SLC2A9: variants seen among roughly 807,000 people sequenced by gnomAD.
The protein encoded by SLC2A9 is solute carrier family 2, facilitated glucose transporter member 9.
In SLC2A9, 39 loss-of-function variants were observed where a neutral mutation model predicts 50.6. The observed-to-expected ratio is 0.77, with a 90% confidence interval of 0.60 to 1.01. The LOEUF (loss-of-function observed/expected upper bound fraction) is 1.01. SLC2A9 is among the 50% of genes least tolerant of loss of function. The pLI is 0.00. For synonymous variants in SLC2A9, 324 were observed against 276.9 expected (o/e 1.17, Z -1.69); for missense variants, 686 against 677.6 (o/e 1.01, Z -0.14).
chr4:9,795,195 T>C (rs1159200080), downstream of SLC2A9, among the ~76,000 whole-genome samples: 1 of 151,822 alleles, frequency 6.6e-6, no homozygotes, highest in East Asian at 1.9e-4. Context: ...GTATTTTTAG[T>C]ATAGACAGGG....
intron 5 of SLC2A9, among the ~76,000 whole-genome samples, chr4:9,960,273 A>T (rs997775170): frequency 6.6e-6 from 1 of 152,234 alleles, no homozygotes; most frequent in Non-Finnish European, 1.5e-5. Flanking sequence ...GGCACTAAAG[A>T]TGCAAAATAG....
intron 10 of SLC2A9, among the ~76,000 whole-genome samples, chr4:9,882,796 A>T (rs1252874177): frequency 6.6e-6 from 1 of 152,032 alleles, no homozygotes; most frequent in Non-Finnish European, 1.5e-5. Context: ...TAGGACAGAC[A>T]GACAGAAACC....
downstream of SLC2A9, among the ~76,000 whole-genome samples, chr4:9,778,520 A>C (rs938459642): frequency 1.2e-4 from 18 of 151,760 alleles, no homozygotes; most frequent in African/African-American, 3.9e-4. Context: ...TAGTTCCCTC[A>C]CCTCTTTCAC....
In SLC2A9 at chr4:9,888,494, T is replaced by C. The variant is rs529551962; in HGVS notation, c.1216-852A>G. Among the ~76,000 whole-genome samples the C allele has an allele frequency of 1.1e-4, 16 of 152,124 alleles. No individual in the cohort carries two copies. In the South Asian group the frequency reaches 3.3e-3, roughly 32 times the overall value. ...GGGGGGTGGGTGGCTTGGTGCTGGT[T>C]GGGATTGCTCCTGCTCTAGCAGACT... is the stretch of plus-strand genomic sequence containing the variant. On this transcript the variant is annotated intron_variant, in intron 9 of 11. Coordinates refer to ENST00000264784, the MANE Select transcript of SLC2A9 (RefSeq NM_020041.3).
intron 5 of SLC2A9, among the ~76,000 whole-genome samples, chr4:9,952,218 C>A (rs1413967542): frequency 6.6e-6 from 1 of 152,124 alleles, no homozygotes. Context: ...AATATATGTC[C>A]CTGCCAAATA....
At chr4:9,783,105 A>C (rs765621392) in intron 3 of SLC2A9, 2 of 1,614,222 alleles carry the variant, frequency 1.2e-6, no homozygotes, top group South Asian at 2.2e-5. Context: ...CCCGTCATCT[A>C]TGCCTTCAAC....
At position 9,993,885 on chromosome 4, in the gene SLC2A9, G is replaced by A. The variant is rs149789570; in HGVS notation, c.410+2896C>T. ...TGCTTCCCTGCCCTCCTTTGTCACC[G>A]AAATCACAAACGAGCTCAACATTCC... On this transcript the variant is annotated intron_variant, in intron 3 of 11. Coordinates refer to ENST00000264784, the MANE Select transcript of SLC2A9 (RefSeq NM_020041.3). Among the ~76,000 whole-genome samples the A allele has an allele frequency of 5.9e-5, 9 of 152,264 alleles. No individual in the cohort carries two copies. In the East Asian group the frequency reaches 1.2e-3, roughly 20 times the overall value.
chr4:9,973,859 T>TA (rs78910612), intron 5 of SLC2A9, among the ~76,000 whole-genome samples: 386 of 141,056 alleles, frequency 2.7e-3, no homozygotes, highest in African/African-American at 3.1e-3. Flanking sequence ...CTTAAAGTAT[T>TA]AAAAAAAAAA....
chr4:9,988,879 C>T (rs1432740158), intron 3 of SLC2A9, among the ~76,000 whole-genome samples: 1 of 152,226 alleles, frequency 6.6e-6, no homozygotes, highest in African/African-American at 2.4e-5. Flanking sequence ...AGGAGAGCCA[C>T]CTTCCTTCAT....
At chr4:9,881,980 C>T (rs1043365125) in intron 10 of SLC2A9, among the ~76,000 whole-genome samples, 3 of 152,158 alleles carry the variant, frequency 2.0e-5, no homozygotes, top group African/African-American at 7.2e-5. Flanking sequence ...GCACAGACTT[C>T]ATTTCAAAAC....
chr4:9,804,512 T>C (rs1261898699), intron 3 of SLC2A9, among the ~76,000 whole-genome samples: 1 of 152,190 alleles, frequency 6.6e-6, no homozygotes, highest in East Asian at 1.9e-4. Flanking sequence ...ACCCTCTTTA[T>C]AGGCCACTGA....
intron 10 of SLC2A9, 131 bp from the exon 11 acceptor site, chr4:9,835,139 T>C (rs937594997): frequency 1.1e-5 from 14 of 1,286,442 alleles, no homozygotes; most frequent in Non-Finnish European, 1.5e-5. Context: ...TGGGCCCCAG[T>C]TCCTGAGTCG....
chr4:9,879,838 T>G (rs775277159), intron 10 of SLC2A9: 13 of 985,452 alleles, frequency 1.3e-5, no homozygotes, highest in Non-Finnish European at 1.6e-5. Flanking sequence ...TTTGCCTCAT[T>G]TATTAGACTT....
intron 2 of SLC2A9, among the ~76,000 whole-genome samples, chr4:10,000,360 G>A (rs1759561634): frequency 6.6e-6 from 1 of 152,180 alleles, no homozygotes; most frequent in Admixed American, 6.5e-5. Context: ...ATAATGCATT[G>A]TATCATTTAA....
At chr4:9,997,033 G>A in intron 2 of SLC2A9, 92 bp from the exon 3 acceptor site, 1 of 1,376,674 alleles carries the variant, frequency 7.3e-7, no homozygotes, top group South Asian at 1.2e-5. Flanking sequence ...CTTGTACAGA[G>A]CATTTTCATG....
intron 3 of SLC2A9, among the ~76,000 whole-genome samples, chr4:9,987,605 C>T (rs529183376): frequency 1.6e-4 from 24 of 152,234 alleles, no homozygotes; most frequent in African/African-American, 5.1e-4. Context: ...TTAGAACTTG[C>T]GCTCTTCCCA....
chr4:9,825,531 ATGT>A (rs201133725), downstream of SLC2A9, among the ~76,000 whole-genome samples: 7,801 of 145,100 alleles, frequency 0.054, 248 homozygotes, highest in Non-Finnish European at 0.079. Flanking sequence ...ATTAATCACA[ATGT>A]TTTTTTTTTT....
chr4:9,794,702 T>C (rs568063692), downstream of SLC2A9, among the ~76,000 whole-genome samples: 70 of 152,344 alleles, frequency 4.6e-4, no homozygotes, highest in African/African-American at 1.5e-3. Flanking sequence ...CTGCCTACTC[T>C]GCCCCTGTGC....
intron 3 of SLC2A9, among the ~76,000 whole-genome samples, chr4:9,818,894 G>A (rs1290992968): frequency 3.9e-5 from 6 of 151,904 alleles, no homozygotes; most frequent in Non-Finnish European, 8.8e-5. Flanking sequence ...AGGCTGGGGC[G>A]GGTGGATCAC....
Sources: allele counts gnomAD v4.1 joint callset (sites outside exome capture counted in the v4.1 genomes callset), GRCh38; gene constraint gnomAD v4.1.1; transcripts MANE v1.5; gene names NCBI Gene and HGNC (gene_info 2026-07-23, HGNC 2026-07-21).